The following ZNF407 variants were observed in gnomAD, a reference collection of about 807,000 sequenced individuals.
ZNF407 encodes zinc finger protein 407.
A neutral mutation model predicts 131.2 loss-of-function variants in ZNF407; 17 were observed. The observed-to-expected ratio is 0.13, with a 90% CI of 0.09 to 0.19. ZNF407 has a LOEUF of 0.19. ZNF407 is among the 10% of genes least tolerant of loss of function. The probability of loss-of-function intolerance (pLI) is 1.00; values close to 1 mark genes in which losing one functional copy is unlikely to be tolerated. For missense variants in ZNF407, 2,681 were observed against 2,830.6 expected, an observed-to-expected ratio of 0.95 and a Z score of 1.20; for synonymous variants, 1,156 against 1,062.0, an observed-to-expected ratio of 1.09 and a Z score of -1.72.
rs1011272587 is a variant in ZNF407 at position 74,627,405 on chromosome 18, CT to C, written c.-53-3559del. 1.0e-4 allele frequency among the ~76,000 whole-genome samples: 15 copies of C among 150,610 alleles called. 1 individual carries two copies. Among genetic ancestry groups the C allele is most frequent in the Admixed American group, 9.2e-4 (14 of 15,282 alleles). On this transcript the variant is annotated intron_variant, in intron 1 of 8. Transcript: ENST00000299687. ...TTTTGAAATGGGTGCATGATTCTTT[CT>C]TTCTTCCTTTCCTCCCTTTACTCTT...
At chr18:74,636,341 A>T (rs553598996) in intron 2 of ZNF407, among the ~76,000 whole-genome samples, 2 of 152,152 alleles carry the variant, frequency 1.3e-5, no homozygotes, top group East Asian at 1.9e-4. Context: ...GTTTTTAAAA[A>T]AACATTTTTT....
intron 4 of ZNF407, chr18:74,804,290 T>A: frequency 8.5e-7 from 1 of 1,173,866 alleles, no homozygotes. Flanking sequence ...AAAATTGTCA[T>A]CATCAATGAG....
At chr18:74,992,661 C>T (rs530153309) in intron 8 of ZNF407, among the ~76,000 whole-genome samples, 15 of 152,136 alleles carry the variant, frequency 9.9e-5, no homozygotes, top group Non-Finnish European at 1.9e-4. Context: ...TGAGGGGTCT[C>T]CCCTGGGACA....
At chr18:74,697,539 T>C (rs1484258644) in intron 3 of ZNF407, among the ~76,000 whole-genome samples, 7 of 152,168 alleles carry the variant, frequency 4.6e-5, no homozygotes, top group Non-Finnish European at 8.8e-5. Flanking sequence ...GTTCGTTTTA[T>C]AGAATATAAA....
intron 4 of ZNF407, among the ~76,000 whole-genome samples, chr18:74,866,986 C>CG (rs1319887925): frequency 5.2e-5 from 4 of 77,506 alleles, no homozygotes; most frequent in Admixed American, 1.5e-4. Flanking sequence ...TGTGTCTACC[C>CG]GAAAAAAAAA....
chr18:74,617,074 C>T (rs1983337160), intron 1 of ZNF407, among the ~76,000 whole-genome samples: 1 of 106,378 alleles, frequency 9.4e-6, no homozygotes, highest in South Asian at 2.9e-4. Flanking sequence ...TCCATATCCA[C>T]ACACATCCAT....
intron 8 of ZNF407, among the ~76,000 whole-genome samples, chr18:74,956,078 C>A (rs189590965): frequency 6.6e-6 from 1 of 152,312 alleles, no homozygotes; most frequent in East Asian, 1.9e-4. Context: ...AAAGTATCCA[C>A]CCCTTTTACT....
chr18:74,599,583 C>T (rs1042932466), intron 1 of ZNF407, among the ~76,000 whole-genome samples: 3 of 152,242 alleles, frequency 2.0e-5, no homozygotes, highest in South Asian at 4.1e-4. Flanking sequence ...GTGGAAGTTA[C>T]GGCTGATTGA....
At chr18:75,050,582 G>A (rs923013449) in intron 8 of ZNF407, among the ~76,000 whole-genome samples, 11 of 152,198 alleles carry the variant, frequency 7.2e-5, no homozygotes, top group African/African-American at 1.9e-4. Context: ...ACAGTGGGTT[G>A]TAGTATAGGC....
intron 8 of ZNF407, among the ~76,000 whole-genome samples, chr18:75,028,904 A>C (rs2122217744): frequency 6.6e-6 from 1 of 152,336 alleles, no homozygotes; most frequent in Non-Finnish European, 1.5e-5. Context: ...TGATGCACCC[A>C]TCTCTTACAT....
intron 8 of ZNF407, among the ~76,000 whole-genome samples, chr18:75,002,757 A>G (rs902953464): frequency 2.0e-5 from 3 of 150,348 alleles, no homozygotes; most frequent in African/African-American, 7.4e-5. Flanking sequence ...GCGAGCCGAG[A>G]TCGCGCCACT....
At chr18:74,909,133 A>AAG (rs1971635496) in intron 7 of ZNF407, among the ~76,000 whole-genome samples, 1 of 151,386 alleles carries the variant, frequency 6.6e-6, no homozygotes, top group African/African-American at 2.4e-5. Context: ...CAAAAAAAAA[A>AAG]GAAATTGCAT....
chr18:75,026,839 G>A (rs1023539359), intron 8 of ZNF407, among the ~76,000 whole-genome samples: 13 of 152,150 alleles, frequency 8.5e-5, no homozygotes, highest in Admixed American at 3.9e-4. Flanking sequence ...CCTCAGCCCT[G>A]ATCAAGTTGA....
intron 3 of ZNF407, among the ~76,000 whole-genome samples, chr18:74,646,536 A>T (rs779646128): frequency 6.6e-6 from 1 of 152,150 alleles, no homozygotes; most frequent in Non-Finnish European, 1.5e-5. Context: ...AATTTTAAAA[A>T]TGCTATGTGA....
intron 7 of ZNF407, among the ~76,000 whole-genome samples, chr18:74,907,301 C>G (rs1007447550): frequency 5.3e-5 from 8 of 152,194 alleles, no homozygotes; most frequent in African/African-American, 1.9e-4. Flanking sequence ...ATCTCAATAA[C>G]CTGCCGCATT....
chr18:74,979,649 CT>C (rs1342503868), intron 8 of ZNF407, among the ~76,000 whole-genome samples: 1 of 151,866 alleles, frequency 6.6e-6, no homozygotes, highest in African/African-American at 2.4e-5. Context: ...TAGGAGAACT[CT>C]AAGATAGCAG....
intron 7 of ZNF407, among the ~76,000 whole-genome samples, chr18:74,901,981 G>A (rs1005075412): frequency 4.6e-5 from 7 of 151,588 alleles, no homozygotes; most frequent in African/African-American, 7.3e-5. Context: ...CAATCAAAGC[G>A]ACATGATAAG....
intron 7 of ZNF407, among the ~76,000 whole-genome samples, chr18:74,912,362 T>C (rs1971686002): frequency 6.6e-6 from 1 of 152,088 alleles, no homozygotes; most frequent in African/African-American, 2.4e-5. Flanking sequence ...GCAGTTGTGA[T>C]CTGGGAGAAA....
intron 8 of ZNF407, among the ~76,000 whole-genome samples, chr18:75,028,133 T>C (rs528930013): frequency 6.6e-6 from 1 of 152,350 alleles, no homozygotes; most frequent in South Asian, 2.1e-4. Context: ...ACTACATATT[T>C]CTAGGCCTCA....
Sources: gnomAD v4.1 joint callset for allele counts (sites outside exome capture counted in the v4.1 genomes callset) on GRCh38, gnomAD v4.1.1 for gene constraint, MANE v1.5 for transcripts, NCBI Gene and HGNC (gene_info 2026-07-23, HGNC 2026-07-21) for gene names.